Variants in LIX1 observed in about 807,000 individuals in gnomAD.
The protein encoded by LIX1 is limb and CNS expressed 1.
A neutral mutation model predicts 33.4 loss-of-function variants in LIX1; 24 were observed. The observed-to-expected ratio is 0.72, with a 90% CI of 0.52 to 1.01. The LOEUF (loss-of-function observed/expected upper bound fraction) is 1.01, where lower values mean the gene tolerates loss of function less well. Ranked by LOEUF, LIX1 falls within the 50% of genes least tolerant of loss-of-function variation. LIX1 has a pLI of 0.00. For synonymous variants in LIX1, 124 were observed against 124.0 expected, an observed-to-expected ratio of 1.00 and a Z score of 0.00; for missense variants, 311 against 339.2, an observed-to-expected ratio of 0.92 and a Z score of 0.65.
intron 4 of LIX1, among the ~76,000 whole-genome samples, chr5:97,100,561 C>A (rs1746640878): frequency 6.6e-6 from 1 of 152,016 alleles, no homozygotes; most frequent in Non-Finnish European, 1.5e-5. Flanking sequence ...CTCATAAGAC[C>A]AAATTCACTC....
At chr5:97,111,007 A>G (rs1029511250) in intron 2 of LIX1, among the ~76,000 whole-genome samples, 12 of 152,176 alleles carry the variant, frequency 7.9e-5, no homozygotes, top group African/African-American at 2.7e-4. Context: ...TGAGTCACCA[A>G]TCTTTCACTG....
At chr5:97,135,048 TC>T (rs772748697) in intron 1 of LIX1, among the ~76,000 whole-genome samples, 1 of 152,198 alleles carries the variant, frequency 6.6e-6, no homozygotes, top group Non-Finnish European at 1.5e-5. Context: ...CTTCTTTCAT[TC>T]CCACTCCTTA....
intron 1 of LIX1, 59 bp from the exon 2 acceptor site, chr5:97,124,688 C>T: frequency 6.8e-7 from 1 of 1,466,580 alleles, no homozygotes; most frequent in Non-Finnish European, 9.3e-7. Flanking sequence ...GGTGCAAAAC[C>T]AAAATTTTAT....
chr5:97,112,209 A>T (rs1024597297), intron 2 of LIX1, among the ~76,000 whole-genome samples: 5 of 152,192 alleles, frequency 3.3e-5, no homozygotes, highest in Admixed American at 2.6e-4. Context: ...AAGAATCTTT[A>T]CTGGGGGAAG....
intron 2 of LIX1, among the ~76,000 whole-genome samples, chr5:97,119,738 C>G (rs1236341963): frequency 6.6e-6 from 1 of 151,760 alleles, no homozygotes; most frequent in Non-Finnish European, 1.5e-5. Context: ...TTTCCTATTT[C>G]TTTTCTTTTT....
chr5:97,093,364 T>C lies in LIX1; in HGVS notation c.*1384A>G, dbSNP rs1158709774. On this transcript the variant is annotated 3_prime_UTR_variant, in exon 6 of 6. Coordinates refer to ENST00000274382, the MANE Select transcript of LIX1 (RefSeq NM_153234.5). Reference sequence around the variant, plus strand: ...TTTTAAATTGAGAAAAACATTTTCTTTAATTTGGACTACTGAATAAAATGC... The same window carrying C: ...TTTTAAATTGAGAAAAACATTTTCTCTAATTTGGACTACTGAATAAAATGC... 1 of 152,296 alleles carries C rather than the reference T, an allele frequency of 6.6e-6. No individual in the cohort carries two copies. The highest frequency in any genetic ancestry group is 6.5e-5 in the Admixed American group (1 of 15,272). The allele number at this position is 152,296 out of a possible 1,614,324, so 9.4% of individuals were successfully genotyped here.
intron 4 of LIX1, among the ~76,000 whole-genome samples, chr5:97,101,394 C>A (rs1361006700): frequency 6.6e-6 from 1 of 152,126 alleles, no homozygotes; most frequent in African/African-American, 2.4e-5. Flanking sequence ...CTGTACAGGG[C>A]CCCTGCTTTG....
At chr5:97,102,731 T>TC (rs1018203649) in intron 4 of LIX1, among the ~76,000 whole-genome samples, 1 of 110,992 alleles carries the variant, frequency 9.0e-6, no homozygotes, top group African/African-American at 2.9e-5. Context: ...TTTTAAGACT[T>TC]TTTTTTTTTT....
At chr5:97,134,523 T>A (rs182433468) in intron 1 of LIX1, among the ~76,000 whole-genome samples, 1 of 152,384 alleles carries the variant, frequency 6.6e-6, no homozygotes, top group East Asian at 1.9e-4. Flanking sequence ...GTGATATTTT[T>A]AAATAAAGTT....
At position 97,094,616 on chromosome 5, in the gene LIX1, A is replaced by G; in HGVS notation, c.*132T>C. On this transcript the variant is annotated 3_prime_UTR_variant, in exon 6 of 6. Coordinates refer to ENST00000274382, the MANE Select transcript of LIX1 (RefSeq NM_153234.5). ...TACGACTCTCATACTCTGTAAATGG[A>G]ATGTGTGGAGAGGGTTAGGAGAGCC... The G allele has an allele frequency of 1.3e-6, 1 of 762,518 alleles. No individual in the cohort carries two copies. The highest frequency in any genetic ancestry group is 2.1e-6 in the Non-Finnish European group (1 of 475,140). The allele number at this position is 762,518 out of a possible 1,614,324, so 47.2% of individuals were successfully genotyped here. A position where few individuals can be genotyped will look rare whatever the true frequency, so the allele number is the denominator to read the frequency against.
At chr5:97,136,065 G>A (rs1370675216) in intron 1 of LIX1, among the ~76,000 whole-genome samples, 1 of 152,232 alleles carries the variant, frequency 6.6e-6, no homozygotes, top group Non-Finnish European at 1.5e-5. Flanking sequence ...AAGGCACAGA[G>A]TTTGGCTCTA....
intron 2 of LIX1, among the ~76,000 whole-genome samples, chr5:97,109,213 C>T (rs1433323336): frequency 2.0e-5 from 3 of 152,166 alleles, no homozygotes; most frequent in African/African-American, 4.8e-5. Flanking sequence ...TGGGTAACTT[C>T]TTGCCCACCC....
At chr5:97,105,872 A>G (rs31015) in intron 3 of LIX1, among the ~76,000 whole-genome samples, 98,272 of 151,734 alleles carry the variant, frequency 0.65, 33,233 homozygotes, top group African/African-American at 0.84. Flanking sequence ...GGTGTGGGGA[A>G]TGGCGCTAAG....
intron 1 of LIX1, among the ~76,000 whole-genome samples, chr5:97,126,975 T>G (rs1466801882): frequency 5.3e-4 from 81 of 152,178 alleles, no homozygotes; most frequent in Non-Finnish European, 1.5e-4. Flanking sequence ...TAACTCAAAA[T>G]AGAATTAGAA....
At position 97,092,736 on chromosome 5, in the gene LIX1, A is replaced by G. The variant is rs1746138490; in HGVS notation, c.*2012T>C. On this transcript the variant is annotated 3_prime_UTR_variant, in exon 6 of 6. Transcript: ENST00000274382. ...ATCCCTGTCCCTGCATCTAATTAAG[A>G]TGGTGTCAGTTTGAGGAAGTCATTG... 6.6e-6 allele frequency: 1 copy of G among 152,320 alleles called. No individual in the cohort carries two copies. The highest frequency in any genetic ancestry group is 1.5e-5 in the Non-Finnish European group (1 of 68,030). The allele number at this position is 152,320 out of a possible 1,614,324, so 9.4% of individuals were successfully genotyped here.
intron 4 of LIX1, among the ~76,000 whole-genome samples, chr5:97,098,467 T>C (rs1464363559): frequency 6.6e-6 from 1 of 152,224 alleles, no homozygotes; most frequent in Non-Finnish European, 1.5e-5. Flanking sequence ...GATACATCTA[T>C]TGTGGATTAA....
At chr5:97,096,767 G>T in intron 5 of LIX1, 43 bp downstream of exon 5, 1 of 1,352,942 alleles carries the variant, frequency 7.4e-7, no homozygotes, top group Non-Finnish European at 1.1e-6. Flanking sequence ...GCCACCTGCT[G>T]AGTTCATATA....
rs1253689860 is a variant in LIX1 at position 97,107,461 on chromosome 5, T to C, written c.286A>G (p.Lys96Glu). Residue 96 changes from lysine (K) to glutamate (E), a missense_variant, in exon 3 of 6, where the codon AAA becomes GAA. Coordinates refer to ENST00000274382, the MANE Select transcript of LIX1 (RefSeq NM_153234.5). ...SRAEARRDAA[K>E]VALINSLFNE... ...AAGAGGGAGTTGATCAGGGCCACTT[T>C]AGCTGCATCCCGCCTGGCCTCGGCT... 1.2e-6 allele frequency: 2 copies of C among 1,613,782 alleles called. No homozygotes were observed. The highest frequency in any genetic ancestry group is 2.2e-5 in the South Asian group (2 of 91,052).
At chr5:97,100,944 T>C (rs1461244897) in intron 4 of LIX1, among the ~76,000 whole-genome samples, 1 of 148,918 alleles carries the variant, frequency 6.7e-6, no homozygotes, top group Non-Finnish European at 1.5e-5. Flanking sequence ...ATAAAGGAAA[T>C]TAGTGTTGTC....
Sources: allele counts gnomAD v4.1 joint callset (sites outside exome capture counted in the v4.1 genomes callset), GRCh38; gene constraint gnomAD v4.1.1; transcripts MANE v1.5; gene names NCBI Gene and HGNC (gene_info 2026-07-23, HGNC 2026-07-21).